The following OSBPL10 variants were observed in gnomAD, a reference collection of about 807,000 sequenced individuals.
OSBPL10 encodes the protein oxysterol binding protein like 10, also known as oxysterol-binding protein-related protein 10.
OSBPL10 carries 49 observed loss-of-function variants against 81.7 expected under a neutral mutation model. The ratio of observed to expected loss-of-function variants is 0.60; its 90% CI spans 0.48 to 0.76. The LOEUF is 0.76. Among genes scored for constraint, OSBPL10 ranks in the 30% least tolerant of loss-of-function variants. The pLI is 0.00. For missense variants in OSBPL10, 923 were observed against 987.8 expected, an observed-to-expected ratio of 0.93 and a Z score of 0.88; for synonymous variants, 419 against 383.6, an observed-to-expected ratio of 1.09 and a Z score of -1.08.
At chr3:31,898,298 AT>A (rs1294914795) in intron 1 of OSBPL10, among the ~76,000 whole-genome samples, 1 of 152,230 alleles carries the variant, frequency 6.6e-6, no homozygotes, top group African/African-American at 2.4e-5. Context: ...ACAAAAAAAG[AT>A]AAGTGAGGTG....
At chr3:31,836,353 A>C (rs566608631) in intron 3 of OSBPL10, among the ~76,000 whole-genome samples, 1 of 152,360 alleles carries the variant, frequency 6.6e-6, no homozygotes, top group South Asian at 2.1e-4. Flanking sequence ...CGAAGTCTCT[A>C]GCCTGCTTCT....
chr3:31,865,436 T>C (rs1357342199), intron 3 of OSBPL10, among the ~76,000 whole-genome samples: 1 of 152,212 alleles, frequency 6.6e-6, no homozygotes, highest in East Asian at 1.9e-4. Flanking sequence ...TCTTATCCCT[T>C]TTCATCTACT....
intron 2 of OSBPL10, among the ~76,000 whole-genome samples, chr3:31,997,518 C>T (rs1699101578): frequency 6.6e-6 from 1 of 151,944 alleles, no homozygotes; most frequent in South Asian, 2.1e-4. Context: ...CCGCTTCAGC[C>T]TCCCAAAATG....
chr3:31,872,275 G>C (rs1266558454), intron 3 of OSBPL10, among the ~76,000 whole-genome samples: 1 of 152,200 alleles, frequency 6.6e-6, no homozygotes, highest in African/African-American at 2.4e-5. Flanking sequence ...GGTGGCCCTA[G>C]CTGACATCTG....
At chr3:31,916,408 C>A (rs1039181558) in intron 1 of OSBPL10, among the ~76,000 whole-genome samples, 16 of 152,140 alleles carry the variant, frequency 1.1e-4, no homozygotes, top group African/African-American at 3.1e-4. Flanking sequence ...AGTGGCCACC[C>A]CACTGCCTCT....
At chr3:31,766,378 C>T (rs1317515415) in intron 4 of OSBPL10, among the ~76,000 whole-genome samples, 3 of 144,206 alleles carry the variant, frequency 2.1e-5, no homozygotes, top group Non-Finnish European at 4.5e-5. Flanking sequence ...CTCACTTCAT[C>T]ACCACCCAAG....
At position 31,989,557 on chromosome 3, in the gene OSBPL10, C is replaced by T. The variant is rs1378749805; in HGVS notation, n.298+56934G>A. On this transcript the variant is annotated intron_variant and non_coding_transcript_variant, in intron 2 of 3. Coordinates refer to the OSBPL10 transcript ENST00000479173. ...CAAAGATCAGCTTGGATTAAGCTTT[C>T]ATTCGCATCTTCCTGAACTCCACAT... The T allele has an allele frequency of 1.9e-6, 3 of 1,614,214 alleles. No individual in the cohort carries two copies. In the East Asian group the frequency reaches 6.7e-5, roughly 36 times the overall value.
intron 1 of OSBPL10, among the ~76,000 whole-genome samples, chr3:31,882,358 G>C (rs1333036998): frequency 2.0e-5 from 3 of 152,200 alleles, no homozygotes; most frequent in Non-Finnish European, 4.4e-5. Flanking sequence ...ACGCAAAAAT[G>C]TGTCAGAACC....
chr3:31,920,710 G>C (rs2125705699), intron 1 of OSBPL10, among the ~76,000 whole-genome samples: 1 of 152,276 alleles, frequency 6.6e-6, no homozygotes, highest in South Asian at 2.1e-4. Context: ...CCTGGGTCGT[G>C]GGAGGGAGGC....
intron 1 of OSBPL10, among the ~76,000 whole-genome samples, chr3:31,887,015 C>A (rs1464766309): frequency 6.6e-6 from 1 of 152,006 alleles, no homozygotes; most frequent in East Asian, 1.9e-4. Flanking sequence ...CAACAGACAC[C>A]CCCACGAACA....
Position 31,929,346 on chromosome 3 carries a change from T to A in OSBPL10, c.282-49516A>T, listed in dbSNP as rs1467843203. ...TCAACATAATTAGACAAGAAAAAAA[T>A]TTACTAATACAAAATTAACATGTAA... On this transcript the variant is annotated intron_variant, in intron 1 of 11. Transcript: ENST00000396556. Among the ~76,000 whole-genome samples the A allele has an allele frequency of 2.6e-5, 4 of 152,040 alleles. No individual in the cohort carries two copies. The South Asian group carries it at 8.3e-4, about 32-fold the overall frequency.
At chr3:32,048,416 G>T (rs567289948) in intron 1 of OSBPL10, among the ~76,000 whole-genome samples, 1 of 149,812 alleles carries the variant, frequency 6.7e-6, no homozygotes, top group Non-Finnish European at 1.5e-5. Flanking sequence ...CAAGTGATTC[G>T]CCTGCCTCAG....
intron 3 of OSBPL10, among the ~76,000 whole-genome samples, chr3:31,854,070 A>G (rs1259904466): frequency 1.3e-5 from 2 of 152,064 alleles, no homozygotes; most frequent in African/African-American, 4.8e-5. Context: ...ATGTTCATCT[A>G]TCTGTATAAA....
At chr3:31,901,262 TA>T (rs1174332332) in intron 1 of OSBPL10, among the ~76,000 whole-genome samples, 1 of 152,234 alleles carries the variant, frequency 6.6e-6, no homozygotes, top group Non-Finnish European at 1.5e-5. Flanking sequence ...CTTGCACTCC[TA>T]ATTAAAATCC....
chr3:31,930,000 AACC>A (rs1485516499), intron 1 of OSBPL10, among the ~76,000 whole-genome samples: 52 of 87,936 alleles, frequency 5.9e-4, no homozygotes, highest in African/African-American at 1.7e-3. Flanking sequence ...CCCTGTCACC[AACC>A]AAAAAAAAAA....
intron 2 of OSBPL10, among the ~76,000 whole-genome samples, chr3:32,016,931 G>C (rs1333649508): frequency 6.6e-6 from 1 of 152,110 alleles, no homozygotes; most frequent in East Asian, 1.9e-4. Context: ...GCACATTCTT[G>C]GTAGCTATTA....
chr3:32,053,104 C>T lies in OSBPL10; in HGVS notation n.186-6501G>A, dbSNP rs148845281. Among the ~76,000 whole-genome samples the T allele has an allele frequency of 2.2e-3, 338 of 152,288 alleles. 1 individual carries two copies. The highest frequency in any genetic ancestry group is 3.6e-3 in the Non-Finnish European group (247 of 68,020). The stretch of plus-strand genomic sequence containing the variant: ...CTTATCTGCACTTCTGTCTGGTGTC[C>T]TAGGCTCCACACCTAGTACATAATT... On this transcript the variant is annotated intron_variant and non_coding_transcript_variant, in intron 1 of 3. Transcript: ENST00000479173.
chr3:31,905,728 T>C (rs1021120461), intron 1 of OSBPL10, among the ~76,000 whole-genome samples: 1 of 151,750 alleles, frequency 6.6e-6, no homozygotes, highest in African/African-American at 2.4e-5. Context: ...TAAACATCAC[T>C]GAATTCTAAG....
At chr3:31,985,943 C>G (rs1001716281), upstream of OSBPL10, among the ~76,000 whole-genome samples, 4 of 152,176 alleles carry the variant, frequency 2.6e-5, no homozygotes, top group Non-Finnish European at 5.9e-5. Flanking sequence ...GCAACATCCC[C>G]CAAATTCTGG....
Sources: allele counts gnomAD v4.1 joint callset (sites outside exome capture counted in the v4.1 genomes callset), GRCh38; gene constraint gnomAD v4.1.1; transcripts MANE v1.5; gene names NCBI Gene and HGNC (gene_info 2026-07-23, HGNC 2026-07-21).